Variants in FMN2 observed in about 807,000 individuals in gnomAD.
FMN2 encodes formin 2, also known as formin-2.
FMN2 carries 51 observed loss-of-function variants against 142.3 expected under a neutral mutation model. That is an observed-to-expected ratio of 0.36 (90% CI 0.29 to 0.45). The LOEUF (loss-of-function observed/expected upper bound fraction) is 0.45. Among genes scored for constraint, FMN2 ranks in the 20% least tolerant of loss-of-function variants. The pLI is 1.00. For synonymous variants in FMN2, 882 were observed against 869.8 expected, an observed-to-expected ratio of 1.01 and a Z score of -0.25; for missense variants, 1,936 against 2,122.8, an observed-to-expected ratio of 0.91 and a Z score of 1.73.
intron 13 of FMN2, among the ~76,000 whole-genome samples, chr1:240,346,720 G>GGCAAC (rs1396892768): frequency 1.3e-5 from 2 of 151,778 alleles, no homozygotes; most frequent in Non-Finnish European, 2.9e-5. Context: ...AAGAAAAATA[G>GGCAAC]GCAACCAGTC....
intron 12 of FMN2, 46 bp downstream of exon 12, chr1:240,333,992 G>A (rs757461160): frequency 1.4e-5 from 22 of 1,578,934 alleles, no homozygotes; most frequent in Middle Eastern, 1.7e-4. Context: ...TTCTTTATTC[G>A]TTGGATGATT....
intron 2 of FMN2, among the ~76,000 whole-genome samples, chr1:240,131,576 A>C (rs1235546691): frequency 6.6e-6 from 1 of 152,016 alleles, no homozygotes; most frequent in African/African-American, 2.4e-5. Context: ...AGGTGTCTTG[A>C]CACATGGCTG....
intron 4 of FMN2, among the ~76,000 whole-genome samples, chr1:240,190,188 T>A (rs1338448102): frequency 6.6e-6 from 1 of 152,188 alleles, no homozygotes; most frequent in African/African-American, 2.4e-5. Context: ...TAAAAACACT[T>A]GATTTTACAA....
intron 2 of FMN2, among the ~76,000 whole-genome samples, chr1:240,176,661 A>G (rs1664928481): frequency 6.6e-6 from 1 of 152,230 alleles, no homozygotes; most frequent in East Asian, 1.9e-4. Flanking sequence ...TATGTTAATT[A>G]AAGCCACTAA....
intron 6 of FMN2, among the ~76,000 whole-genome samples, chr1:240,222,018 T>TC (rs1667138109): frequency 6.7e-6 from 1 of 150,186 alleles, no homozygotes; most frequent in African/African-American, 2.4e-5. Flanking sequence ...CAGCTAATTT[T>TC]TTTTTTTTTT....
chr1:240,238,612 A>G (rs1667785752), intron 6 of FMN2, among the ~76,000 whole-genome samples: 1 of 152,202 alleles, frequency 6.6e-6, no homozygotes, highest in African/African-American at 2.4e-5. Context: ...ATTGGAAAGT[A>G]TGAAGTTTTT....
chr1:240,148,742 A>T (rs1264223783), intron 2 of FMN2, among the ~76,000 whole-genome samples: 1 of 152,144 alleles, frequency 6.6e-6, no homozygotes, highest in East Asian at 1.9e-4. Context: ...GCACTTTGGG[A>T]GGCCGAGGCG....
At chr1:240,134,214 G>A (rs562401167) in intron 2 of FMN2, among the ~76,000 whole-genome samples, 2 of 152,170 alleles carry the variant, frequency 1.3e-5, no homozygotes, top group Admixed American at 6.6e-5. Flanking sequence ...CCTTGATTTT[G>A]TAAAGAAGAG....
chr1:240,173,754 A>T (rs1370893085), intron 2 of FMN2, among the ~76,000 whole-genome samples: 1 of 152,168 alleles, frequency 6.6e-6, no homozygotes, highest in African/African-American at 2.4e-5. Flanking sequence ...AGGCTTTGAG[A>T]TTACTGTTAC....
chr1:240,304,586 C>T (rs1229552283), intron 8 of FMN2, among the ~76,000 whole-genome samples: 2 of 152,188 alleles, frequency 1.3e-5, no homozygotes, highest in African/African-American at 2.4e-5. Context: ...AGGGCTCTGG[C>T]CGTTTAATCC....
intron 6 of FMN2, among the ~76,000 whole-genome samples, chr1:240,255,278 A>T (rs1668413133): frequency 6.6e-6 from 1 of 152,042 alleles, no homozygotes; most frequent in Admixed American, 6.5e-5. Flanking sequence ...TTGACCTGTG[A>T]TATCTACTCA....
In FMN2 at chr1:240,474,182, C is replaced by T; in HGVS notation, c.*28C>T. ...AATGAAAAGCAGAATGAAAATGAGTCATTGCAACGACTTTCACAAAATTCA... is the reference window on the plus strand; with the variant it reads ...AATGAAAAGCAGAATGAAAATGAGTTATTGCAACGACTTTCACAAAATTCA... On this transcript the variant is annotated 3_prime_UTR_variant, in exon 18 of 18. Transcript: ENST00000319653. 6.5e-7 allele frequency: 1 copy of T among 1,536,912 alleles called. No individual in the cohort carries two copies. The highest frequency in any genetic ancestry group is 1.4e-5 in the African/African-American group (1 of 69,822).
intron 11 of FMN2, among the ~76,000 whole-genome samples, chr1:240,331,815 C>T (rs1245426301): frequency 6.6e-6 from 1 of 152,148 alleles, no homozygotes; most frequent in Admixed American, 6.6e-5. Flanking sequence ...ACACTTACCT[C>T]AGCCTACAGT....
chr1:240,223,374 G>A (rs763600419), intron 6 of FMN2, among the ~76,000 whole-genome samples: 34 of 152,190 alleles, frequency 2.2e-4, no homozygotes, highest in Admixed American at 7.2e-4. Context: ...TTTGCTGCTG[G>A]ATTCGGTTTG....
In FMN2 at chr1:240,348,691, C is replaced by T. The variant is rs565029813; in HGVS notation, c.4766-7125C>T. ...TCTTCATGAAGGAGCACTGACCTTC[C>T]GTTCAATTACCAAGCTCTGCAAATT... On this transcript the variant is annotated intron_variant, in intron 13 of 17. Coordinates refer to ENST00000319653, the MANE Select transcript of FMN2 (RefSeq NM_020066.5). Among the ~76,000 whole-genome samples, 45 of 152,204 alleles carry T rather than the reference C, an allele frequency of 3.0e-4. 2 individuals carry two copies. The South Asian group carries it at 7.3e-3, about 25-fold the overall frequency.
intron 4 of FMN2, among the ~76,000 whole-genome samples, chr1:240,194,337 A>G (rs12057575): frequency 0.23 from 34,942 of 152,062 alleles, 4,197 homozygotes; most frequent in Middle Eastern, 0.35. Context: ...TAACTGGGGA[A>G]CTGTCAAAGA....
chr1:240,324,666 C>G (rs184986824), intron 8 of FMN2, among the ~76,000 whole-genome samples: 3 of 115,444 alleles, frequency 2.6e-5, no homozygotes, highest in Non-Finnish European at 4.9e-5. Context: ...GAGACCCTGT[C>G]GAAAGAAGGA....
At chr1:240,295,906 C>A (rs572893081) in intron 8 of FMN2, among the ~76,000 whole-genome samples, 2 of 152,156 alleles carry the variant, frequency 1.3e-5, no homozygotes, top group Non-Finnish European at 2.9e-5. Flanking sequence ...CCCTTTTCTT[C>A]GCATCTTCAC....
intron 7 of FMN2, among the ~76,000 whole-genome samples, chr1:240,262,178 A>G (rs1325744753): frequency 2.0e-5 from 3 of 151,986 alleles, no homozygotes; most frequent in Non-Finnish European, 4.4e-5. Flanking sequence ...TAGGATCTCT[A>G]TGATGAGTGG....
Sources: allele counts gnomAD v4.1 joint callset (sites outside exome capture counted in the v4.1 genomes callset), GRCh38; gene constraint gnomAD v4.1.1; transcripts MANE v1.5; gene names NCBI Gene and HGNC (gene_info 2026-07-23, HGNC 2026-07-21).